ZNF385B: variants seen among roughly 807,000 people sequenced by gnomAD.
ZNF385B encodes the protein zinc finger protein 385B.
Under a neutral mutation model 39.2 loss-of-function variants are expected in ZNF385B, and 23 were observed. The ratio of observed to expected loss-of-function variants is 0.59; its 90% confidence interval spans 0.42 to 0.83. ZNF385B has a LOEUF of 0.83. Among genes scored for constraint, ZNF385B ranks in the 40% least tolerant of loss-of-function variants. The pLI is 0.00. For synonymous variants in ZNF385B, 205 were observed against 222.6 expected (o/e 0.92, Z 0.70); for missense variants, 552 against 598.9 (o/e 0.92, Z 0.82).
chr2:179,805,742 C>T (rs60521347), intron 1 of ZNF385B, among the ~76,000 whole-genome samples: 12,463 of 152,146 alleles, frequency 0.082, 554 homozygotes, highest in Middle Eastern at 0.099. Context: ...TTCAGTAAGA[C>T]CTATATAATG....
chr2:179,452,359 C>T (rs1283841647), intron 6 of ZNF385B, among the ~76,000 whole-genome samples: 4 of 152,096 alleles, frequency 2.6e-5, no homozygotes, highest in African/African-American at 9.7e-5. Flanking sequence ...CCTTATTCAT[C>T]AAACTTAGCA....
chr2:179,812,069 C>A (rs1392629129), intron 1 of ZNF385B, among the ~76,000 whole-genome samples: 2 of 151,926 alleles, frequency 1.3e-5, no homozygotes, highest in Non-Finnish European at 2.9e-5. Flanking sequence ...CAGAGAAATG[C>A]AAATTAAAAC....
At chr2:179,703,520 G>T (rs78000174) in intron 3 of ZNF385B, among the ~76,000 whole-genome samples, 3,261 of 152,228 alleles carry the variant, frequency 0.021, 119 homozygotes, top group African/African-American at 0.073. Flanking sequence ...AGAAGGTTTT[G>T]TTCACTGCTT....
At chr2:179,819,034 TACACACACACACACAC>T (rs10556902) in intron 1 of ZNF385B, among the ~76,000 whole-genome samples, 62 of 148,200 alleles carry the variant, frequency 4.2e-4, no homozygotes, top group Non-Finnish European at 5.5e-4. Context: ...TGTTTATAAA[TACACACACACACACAC>T]ACACACACAC....
At chr2:179,761,762 T>A in intron 3 of ZNF385B, among the ~76,000 whole-genome samples, 2 of 40,972 alleles carry the variant, frequency 4.9e-5, no homozygotes. Context: ...TTTTCTTTTC[T>A]TTTTTTTTTT....
intron 1 of ZNF385B, among the ~76,000 whole-genome samples, chr2:179,808,387 A>G (rs1203124150): frequency 2.0e-5 from 3 of 152,164 alleles, no homozygotes; most frequent in Non-Finnish European, 2.9e-5. Flanking sequence ...AAGAATGGAG[A>G]TGGTACACAC....
chr2:179,794,818 A>G (rs1705556146), intron 1 of ZNF385B, among the ~76,000 whole-genome samples: 1 of 152,146 alleles, frequency 6.6e-6, no homozygotes, highest in African/African-American at 2.4e-5. Context: ...ACCGCTGAGC[A>G]GGATCTGATT....
At chr2:179,509,757 T>C (rs892300081) in intron 5 of ZNF385B, among the ~76,000 whole-genome samples, 21 of 152,262 alleles carry the variant, frequency 1.4e-4, no homozygotes, top group African/African-American at 4.3e-4. Context: ...GTTGGTTTTT[T>C]CAAACTTACA....
chr2:179,790,457 C>T (rs187707689), intron 1 of ZNF385B, among the ~76,000 whole-genome samples: 108 of 152,230 alleles, frequency 7.1e-4, no homozygotes, highest in Non-Finnish European at 1.3e-3. Context: ...GTGTCTGATT[C>T]AGTAAATTTG....
chr2:179,540,172 G>A (rs1056856364), intron 4 of ZNF385B, among the ~76,000 whole-genome samples: 8 of 152,066 alleles, frequency 5.3e-5, no homozygotes, highest in Admixed American at 3.3e-4. Flanking sequence ...TTGGCCAGGC[G>A]CAGTGGCTCA....
At position 179,812,537 on chromosome 2, in the gene ZNF385B, A is replaced by C. The variant is rs547912042; in HGVS notation, c.-154-41865T>G. Reference sequence around the variant, plus strand: ...GCCATTAATCTAAGTGAAGTAACACACCAACTGAAAACCAAACATTGCATG... The same window carrying C: ...GCCATTAATCTAAGTGAAGTAACACCCCAACTGAAAACCAAACATTGCATG... On this transcript the variant is annotated intron_variant, in intron 1 of 9. Transcript: ENST00000410066. Among the ~76,000 whole-genome samples, 23 of 152,372 alleles carry C rather than the reference A, an allele frequency of 1.5e-4. No individual in the cohort carries two copies. The East Asian group carries it at 4.4e-3, about 29-fold the overall frequency.
chr2:179,572,366 A>G (rs1480799888), intron 3 of ZNF385B, among the ~76,000 whole-genome samples: 1 of 152,048 alleles, frequency 6.6e-6, no homozygotes, highest in East Asian at 1.9e-4. Flanking sequence ...GTTTACCTGA[A>G]CACACAGACA....
chr2:179,797,590 T>A (rs1463956889), intron 1 of ZNF385B, among the ~76,000 whole-genome samples: 1 of 152,166 alleles, frequency 6.6e-6, no homozygotes, highest in Non-Finnish European at 1.5e-5. Context: ...CCTCTTCACA[T>A]TTTTTTCTTG....
chr2:179,608,910 G>C (rs1390705745), intron 3 of ZNF385B, among the ~76,000 whole-genome samples: 3 of 139,196 alleles, frequency 2.2e-5, no homozygotes, highest in Non-Finnish European at 4.6e-5. Context: ...AATTTCAAAT[G>C]ACCTGGCTTT....
intron 6 of ZNF385B, among the ~76,000 whole-genome samples, chr2:179,462,822 T>A (rs189032748): frequency 1.3e-5 from 2 of 152,264 alleles, no homozygotes; most frequent in Admixed American, 1.3e-4. Flanking sequence ...TGCCTTACTT[T>A]ATTAGATATT....
At chr2:179,458,857 T>G (rs1350522185) in intron 6 of ZNF385B, among the ~76,000 whole-genome samples, 1 of 152,216 alleles carries the variant, frequency 6.6e-6, no homozygotes, top group African/African-American at 2.4e-5. Flanking sequence ...AAGCCTGAAT[T>G]CAAAGTCACC....
chr2:179,647,458 T>C (rs914544792), intron 3 of ZNF385B, among the ~76,000 whole-genome samples: 1 of 152,252 alleles, frequency 6.6e-6, no homozygotes. Flanking sequence ...TGCTGAGTCC[T>C]GGTCCTGAGT....
intron 1 of ZNF385B, among the ~76,000 whole-genome samples, chr2:179,800,982 A>T (rs1417639858): frequency 6.6e-6 from 1 of 152,082 alleles, no homozygotes; most frequent in Non-Finnish European, 1.5e-5. Context: ...AAGTTTCCTA[A>T]TTGCTTCAAA....
intron 1 of ZNF385B, among the ~76,000 whole-genome samples, chr2:179,779,936 G>C (rs1032761929): frequency 2.3e-4 from 35 of 152,092 alleles, no homozygotes; most frequent in African/African-American, 8.4e-4. Flanking sequence ...TAAGTACCTA[G>C]GACAGTTTTT....
Sources: gnomAD v4.1 joint callset for allele counts (sites outside exome capture counted in the v4.1 genomes callset) on GRCh38, gnomAD v4.1.1 for gene constraint, MANE v1.5 for transcripts, NCBI Gene and HGNC (gene_info 2026-07-23, HGNC 2026-07-21) for gene names.